Variants in ERI3 observed in about 807,000 individuals in gnomAD.
The protein encoded by ERI3 is ERI1 exoribonuclease family member 3.
ERI3 carries 18 observed loss-of-function variants against 44.4 expected under a neutral mutation model. The observed-to-expected ratio is 0.41, with a 90% CI of 0.28 to 0.60. The LOEUF (loss-of-function observed/expected upper bound fraction) is 0.60, where lower values mean the gene tolerates loss of function less well. Ranked by LOEUF, ERI3 falls within the 20% of genes least tolerant of loss-of-function variation. The pLI is 0.36. For synonymous variants in ERI3, 183 were observed against 164.8 expected, an observed-to-expected ratio of 1.11 and a Z score of -0.84; for missense variants, 294 against 435.5, an observed-to-expected ratio of 0.68 and a Z score of 2.89.
Position 44,313,208 on chromosome 1 carries a change from G to A in ERI3, c.627C>T (p.Ala209=). Residue 209 remains alanine (A), a synonymous_variant, in exon 5 of 9, where the codon GCC becomes GCT. Coordinates refer to ENST00000372257, the MANE Select transcript of ERI3 (RefSeq NM_024066.3). ...GCAGGCTTGGCTGACCATCCACCAT[G>A]GCTTGAATAATCCCGGTGAGCTGAA... The part of the protein sequence containing the change: ...FCTELTGIIQ[A]MVDGQPSLQQ... The A allele has an allele frequency of 6.2e-7, 1 of 1,614,156 alleles. No homozygotes were observed. The highest frequency in any genetic ancestry group is 1.7e-5 in the Admixed American group (1 of 60,026).
At chr1:44,348,835 A>C (rs1646835463) in intron 2 of ERI3, among the ~76,000 whole-genome samples, 1 of 152,246 alleles carries the variant, frequency 6.6e-6, no homozygotes, top group South Asian at 2.1e-4. Context: ...CCTAGCTTTG[A>C]CAGTACCTCG....
At chr1:44,232,710 C>G (rs796898454) in intron 8 of ERI3, among the ~76,000 whole-genome samples, 23 of 152,282 alleles carry the variant, frequency 1.5e-4, no homozygotes, top group African/African-American at 5.5e-4. Flanking sequence ...AGCTGTTTCC[C>G]TTTAGGTATC....
chr1:44,300,437 G>A (rs1018599465), intron 6 of ERI3, among the ~76,000 whole-genome samples: 2 of 152,194 alleles, frequency 1.3e-5, no homozygotes, highest in Non-Finnish European at 2.9e-5. Flanking sequence ...TGTGCTTGTT[G>A]ATCAGACAGC....
intron 7 of ERI3, among the ~76,000 whole-genome samples, chr1:44,276,913 A>G (rs1266688095): frequency 1.3e-5 from 2 of 152,232 alleles, no homozygotes; most frequent in African/African-American, 4.8e-5. Flanking sequence ...AATAAAGAAA[A>G]GTCATACAAT....
chr1:44,336,246 G>C (rs756739663), intron 3 of ERI3, among the ~76,000 whole-genome samples: 8 of 152,106 alleles, frequency 5.3e-5, no homozygotes, highest in Non-Finnish European at 1.2e-4. Context: ...ATTCTATCTA[G>C]GACTGACAAC....
At chr1:44,246,428 T>C (rs1644555837) in intron 8 of ERI3, among the ~76,000 whole-genome samples, 1 of 152,246 alleles carries the variant, frequency 6.6e-6, no homozygotes. Flanking sequence ...TTCTCTAGAT[T>C]GTTTGGAAAA....
At chr1:44,285,344 T>A (rs1645371880) in intron 6 of ERI3, among the ~76,000 whole-genome samples, 1 of 152,184 alleles carries the variant, frequency 6.6e-6, no homozygotes, top group Non-Finnish European at 1.5e-5. Context: ...TCTGTCTGAC[T>A]CCAAAGCGTA....
intron 8 of ERI3, among the ~76,000 whole-genome samples, chr1:44,223,217 G>A (rs77020788): frequency 0.039 from 5,999 of 152,220 alleles, 389 homozygotes; most frequent in African/African-American, 0.14. Context: ...AACTCCAGAC[G>A]TGACCCATCC....
intron 6 of ERI3, among the ~76,000 whole-genome samples, chr1:44,296,678 C>T (rs1309261791): frequency 6.6e-6 from 1 of 152,142 alleles, no homozygotes; most frequent in Non-Finnish European, 1.5e-5. Context: ...CATCCTTCCA[C>T]CTTTTAGGGG....
rs1241020279 is a variant in ERI3 at position 44,241,829 on chromosome 1, T to TACAA, written c.931+6109_931+6110insTTGT. On this transcript the variant is annotated intron_variant, in intron 8 of 8. Coordinates refer to ENST00000372257, the MANE Select transcript of ERI3 (RefSeq NM_024066.3). The surrounding 1 kb of genome is among the most constrained non-coding windows in gnomAD (Gnocchi z 5.6). ...ACACATACATACATACATACATACA[T>TACAA]ACATACATACATACATACATACAGG... 3 of 289,542 alleles carry TACAA rather than the reference T, an allele frequency of 1.0e-5. No individual in the cohort carries two copies. Among genetic ancestry groups the TACAA allele is most frequent in the Non-Finnish European group, 1.5e-5 (3 of 194,126 alleles). The allele number at this position is 289,542 out of a possible 1,614,324, so 17.9% of individuals were successfully genotyped here.
At chr1:44,316,437 T>C (rs112595061) in intron 4 of ERI3, among the ~76,000 whole-genome samples, 3 of 152,216 alleles carry the variant, frequency 2.0e-5, no homozygotes, top group Admixed American at 2.0e-4. Flanking sequence ...GGCTGGTTAC[T>C]GAGATCCCCT....
chr1:44,313,254 G>A (rs757803689), intron 4 of ERI3, 26 bp from the exon 5 acceptor site: 1 of 1,612,302 alleles, frequency 6.2e-7, no homozygotes, highest in Non-Finnish European at 8.5e-7. Flanking sequence ...AATAGCCGAT[G>A]GGTAGAAAAC....
intron 1 of ERI3, 75 bp from the exon 2 acceptor site, chr1:44,353,000 C>A (rs1646927431): frequency 1.3e-6 from 2 of 1,595,706 alleles, no homozygotes; most frequent in Non-Finnish European, 1.7e-6. Flanking sequence ...GGATACTACA[C>A]CTCAAACTCT....
intron 8 of ERI3, among the ~76,000 whole-genome samples, chr1:44,239,270 A>G (rs117294180): frequency 0.012 from 1,849 of 152,184 alleles, 72 homozygotes; most frequent in East Asian, 0.069. Flanking sequence ...TGTGGCTATG[A>G]TATCTGGTGT....
At chr1:44,354,292 C>G in intron 1 of ERI3, 1 of 985,442 alleles carries the variant, frequency 1.0e-6, no homozygotes, top group Non-Finnish European at 1.2e-6. Flanking sequence ...ACGATGGGCA[C>G]TATTTGTTGC....
intron 3 of ERI3, among the ~76,000 whole-genome samples, chr1:44,325,276 C>T (rs955464520): frequency 2.6e-5 from 4 of 151,940 alleles, no homozygotes; most frequent in Non-Finnish European, 5.9e-5. Flanking sequence ...AGGGTTTCAC[C>T]ATATTGGCCA....
At chr1:44,227,357 C>T (rs1644070150) in intron 8 of ERI3, among the ~76,000 whole-genome samples, 1 of 152,068 alleles carries the variant, frequency 6.6e-6, no homozygotes, top group African/African-American at 2.4e-5. Flanking sequence ...GAGAAGGAAC[C>T]ATGCATGGTA....
Position 44,221,397 on chromosome 1 carries a change from AG to A in ERI3, c.*160del. 1.6e-6 allele frequency: 1 copy of A among 622,800 alleles called. No homozygotes were observed. Among genetic ancestry groups the A allele is most frequent in the Non-Finnish European group, 2.8e-6 (1 of 356,940 alleles). The allele number at this position is 622,800 out of a possible 1,614,324, so 38.6% of individuals were successfully genotyped here. A position where few individuals can be genotyped will look rare whatever the true frequency, so the allele number is the denominator to read the frequency against. On this transcript the variant is annotated 3_prime_UTR_variant, in exon 9 of 9. Coordinates refer to ENST00000372257, the MANE Select transcript of ERI3 (RefSeq NM_024066.3). The surrounding 1 kb of genome is among the most constrained non-coding windows in gnomAD (Gnocchi z 5.9). ...AGGGCCAAGTGGCCAAGCCCTTGCA[AG>A]GGCACAAGCCCACGCCAAGGGCATG...
chr1:44,302,029 A>C (rs908659519), intron 6 of ERI3, among the ~76,000 whole-genome samples: 1 of 152,120 alleles, frequency 6.6e-6, no homozygotes, highest in African/African-American at 2.4e-5. Flanking sequence ...AGAATGCCCA[A>C]TTCACTAAGA....
Sources: allele counts gnomAD v4.1 joint callset (sites outside exome capture counted in the v4.1 genomes callset), GRCh38; gene constraint gnomAD v4.1.1; non-coding constraint Gnocchi (gnomAD v3.1); transcripts MANE v1.5; gene names NCBI Gene and HGNC (gene_info 2026-07-23, HGNC 2026-07-21).